PTK2B: variants seen among roughly 807,000 people sequenced by gnomAD.
PTK2B encodes the protein protein tyrosine kinase 2 beta, also known as protein-tyrosine kinase 2-beta.
A neutral mutation model predicts 142.9 loss-of-function variants in PTK2B; 71 were observed. The ratio of observed to expected loss-of-function variants is 0.50; its 90% CI spans 0.41 to 0.61. The LOEUF is 0.61. PTK2B is among the 20% of genes least tolerant of loss of function. PTK2B has a pLI of 0.00. For missense variants in PTK2B, 1,105 were observed against 1,320.4 expected (o/e 0.84, Z 2.53); for synonymous variants, 519 against 503.4 (o/e 1.03, Z -0.42).
intron 2 of PTK2B, among the ~76,000 whole-genome samples, chr8:27,402,680 G>A (rs1225772727): frequency 1.3e-5 from 2 of 152,212 alleles, no homozygotes; most frequent in Non-Finnish European, 2.9e-5. Context: ...CCAAGAGTGA[G>A]ACTGACATGG....
At chr8:27,440,199 C>G (rs770129694) in intron 20 of PTK2B, 38 bp from the exon 21 acceptor site, 4 of 1,601,390 alleles carry the variant, frequency 2.5e-6, no homozygotes, top group Non-Finnish European at 8.6e-7. Context: ...AGGGACTGGT[C>G]TCCCCCACCC....
intron 1 of PTK2B, among the ~76,000 whole-genome samples, chr8:27,380,059 T>C (rs1234069386): frequency 6.6e-6 from 1 of 152,152 alleles, no homozygotes; most frequent in Non-Finnish European, 1.5e-5. Context: ...TTTTTGATGT[T>C]GTTTTTGTTA....
At chr8:27,431,365 C>T (rs1462843583) in intron 8 of PTK2B, 33 bp from the exon 9 acceptor site, 2 of 1,614,004 alleles carry the variant, frequency 1.2e-6, no homozygotes, top group African/African-American at 2.7e-5. Context: ...GAGGACAGCT[C>T]TGGAACAACA....
At chr8:27,394,329 T>C (rs1002851537) in intron 1 of PTK2B, among the ~76,000 whole-genome samples, 1 of 152,198 alleles carries the variant, frequency 6.6e-6, no homozygotes. Flanking sequence ...CTAGACTATA[T>C]GGTATAGCAC....
At chr8:27,338,398 G>A (rs1392165783) in intron 1 of PTK2B, among the ~76,000 whole-genome samples, 1 of 152,014 alleles carries the variant, frequency 6.6e-6, no homozygotes, top group Non-Finnish European at 1.5e-5. Flanking sequence ...CGAGGGAAAG[G>A]GTGGGAGGGG....
chr8:27,322,274 A>G (rs562032143), upstream of PTK2B: 74 of 152,372 alleles, frequency 4.9e-4, no homozygotes, highest in African/African-American at 1.6e-3. Context: ...TCCATCATTT[A>G]CAATGGAGAG....
intron 2 of PTK2B, among the ~76,000 whole-genome samples, chr8:27,404,717 T>A (rs1052206140): frequency 6.6e-6 from 1 of 152,172 alleles, no homozygotes; most frequent in African/African-American, 2.4e-5. Flanking sequence ...TCAGAACCCA[T>A]TGACTTTCCC....
chr8:27,452,150 T>G (rs1811857276), intron 27 of PTK2B: 1 of 152,470 alleles, frequency 6.6e-6, no homozygotes, highest in Non-Finnish European at 1.5e-5. Context: ...TTGGCAAAGT[T>G]CAGATTTGAA....
chr8:27,365,469 G>A (rs926425648), intron 1 of PTK2B, among the ~76,000 whole-genome samples: 4 of 152,142 alleles, frequency 2.6e-5, no homozygotes, highest in African/African-American at 9.7e-5. Flanking sequence ...CTAAGCCTTG[G>A]TTTCTTTCCT....
intron 2 of PTK2B, among the ~76,000 whole-genome samples, chr8:27,409,588 C>A (rs1292856739): frequency 6.6e-6 from 1 of 152,096 alleles, no homozygotes; most frequent in African/African-American, 2.4e-5. Flanking sequence ...GAGATTTACG[C>A]CTTGTGTTCA....
chr8:27,387,520 C>G (rs1807442962), intron 1 of PTK2B, among the ~76,000 whole-genome samples: 1 of 152,202 alleles, frequency 6.6e-6, no homozygotes, highest in Admixed American at 6.5e-5. Context: ...CTCACTCTCT[C>G]TTTGGTTTTA....
chr8:27,394,544 G>A (rs1198338850), intron 1 of PTK2B, among the ~76,000 whole-genome samples: 3 of 152,242 alleles, frequency 2.0e-5, no homozygotes, highest in Admixed American at 6.5e-5. Context: ...CTGCGAGTGA[G>A]TGTGAGTGAA....
At chr8:27,393,161 T>A (rs1005808630) in intron 1 of PTK2B, among the ~76,000 whole-genome samples, 1 of 152,214 alleles carries the variant, frequency 6.6e-6, no homozygotes, top group African/African-American at 2.4e-5. Context: ...TAGACCTTTT[T>A]GAGTGTGTCA....
chr8:27,360,742 T>C (rs1805651331), intron 1 of PTK2B, among the ~76,000 whole-genome samples: 1 of 152,242 alleles, frequency 6.6e-6, no homozygotes, highest in Non-Finnish European at 1.5e-5. Flanking sequence ...GAAAGACTTC[T>C]GTGCAAACAT....
chr8:27,440,477 AC>A, intron 21 of PTK2B, 36 bp downstream of exon 21: 1 of 1,598,182 alleles, frequency 6.3e-7, no homozygotes, highest in South Asian at 1.1e-5. Flanking sequence ...CTGGGGGCCC[AC>A]CCGGCTGCAC....
At chr8:27,445,262 T>A (rs1246668581) in intron 23 of PTK2B, among the ~76,000 whole-genome samples, 4 of 151,950 alleles carry the variant, frequency 2.6e-5, no homozygotes, top group East Asian at 3.9e-4. Context: ...TTAAAAAAAA[T>A]TCAAGGCAGG....
intron 3 of PTK2B, among the ~76,000 whole-genome samples, chr8:27,314,212 GA>G (rs1803043995): frequency 6.6e-6 from 1 of 152,200 alleles, no homozygotes; most frequent in Non-Finnish European, 1.5e-5. Context: ...ACCTAAGCAT[GA>G]AAATGAGCCA....
At chr8:27,313,440 T>A (rs1425324799) in intron 3 of PTK2B, among the ~76,000 whole-genome samples, 1 of 152,186 alleles carries the variant, frequency 6.6e-6, no homozygotes, top group Non-Finnish European at 1.5e-5. Flanking sequence ...TTAAAAAGTT[T>A]GGGACAGAAA....
At chr8:27,450,679 G>A in intron 24 of PTK2B, 70 bp from the exon 25 acceptor site, 1 of 1,583,018 alleles carries the variant, frequency 6.3e-7, no homozygotes, top group Non-Finnish European at 8.6e-7. Flanking sequence ...GTTCTTCAGA[G>A]GACTGTCCCT....
Sources: gnomAD v4.1 joint callset for allele counts (sites outside exome capture counted in the v4.1 genomes callset) on GRCh38, gnomAD v4.1.1 for gene constraint, MANE v1.5 for transcripts, NCBI Gene and HGNC (gene_info 2026-07-23, HGNC 2026-07-21) for gene names.